The following RBPMS variants were observed in gnomAD, a reference collection of about 807,000 sequenced individuals.
RBPMS encodes the protein RNA-binding protein with multiple splicing.
Under a neutral mutation model 26.8 loss-of-function variants are expected in RBPMS, and 7 were observed. That is an observed-to-expected ratio of 0.26 (90% CI 0.15 to 0.49). The LOEUF (loss-of-function observed/expected upper bound fraction) is 0.49, where lower values mean the gene tolerates loss of function less well. RBPMS is among the 20% of genes least tolerant of loss of function. The pLI, the probability that RBPMS is intolerant of heterozygous loss-of-function variation, is 0.98. For synonymous variants in RBPMS, 96 were observed against 93.3 expected (o/e 1.03, Z -0.17); for missense variants, 186 against 250.0 (o/e 0.74, Z 1.73).
At chr8:30,516,582 C>T (rs1822332486) in intron 5 of RBPMS, among the ~76,000 whole-genome samples, 1 of 152,168 alleles carries the variant, frequency 6.6e-6, no homozygotes, top group Non-Finnish European at 1.5e-5. Context: ...GCCCAATTCT[C>T]TCCCACCACA....
chr8:30,497,996 G>T (rs6982511), intron 4 of RBPMS, among the ~76,000 whole-genome samples: 29,942 of 150,498 alleles, frequency 0.2, 3,245 homozygotes, highest in South Asian at 0.38. Flanking sequence ...GGAGTTGGCC[G>T]TGGAGGAAGG....
chr8:30,425,329 T>C (rs1214008494), intron 1 of RBPMS, among the ~76,000 whole-genome samples: 1 of 152,238 alleles, frequency 6.6e-6, no homozygotes, highest in African/African-American at 2.4e-5. Flanking sequence ...AACGTATATA[T>C]AGCATGAGTC....
At chr8:30,487,871 T>G (rs1259832584) in intron 4 of RBPMS, among the ~76,000 whole-genome samples, 1 of 152,284 alleles carries the variant, frequency 6.6e-6, no homozygotes, top group East Asian at 1.9e-4. Context: ...GTGTAAAGTT[T>G]CAGTAGATAA....
At chr8:30,534,284 C>G (rs761701290) in intron 5 of RBPMS, among the ~76,000 whole-genome samples, 8 of 152,134 alleles carry the variant, frequency 5.3e-5, no homozygotes, top group Non-Finnish European at 8.8e-5. Flanking sequence ...GGACAAGTCA[C>G]TAAAACTCTC....
intron 1 of RBPMS, among the ~76,000 whole-genome samples, chr8:30,449,456 C>T (rs1464276604): frequency 6.7e-6 from 1 of 149,366 alleles, no homozygotes. Flanking sequence ...CTGCAACCTT[C>T]ACCTCCTGGT....
chr8:30,459,134 G>T (rs1014562196), intron 1 of RBPMS, among the ~76,000 whole-genome samples: 1 of 151,562 alleles, frequency 6.6e-6, no homozygotes, highest in Non-Finnish European at 1.5e-5. Flanking sequence ...GCTAGTTTTT[G>T]TATTTTTAGT....
At chr8:30,466,659 A>G (rs1816536925) in intron 1 of RBPMS, among the ~76,000 whole-genome samples, 1 of 150,762 alleles carries the variant, frequency 6.6e-6, no homozygotes, top group African/African-American at 2.4e-5. Flanking sequence ...CAGTGGCGCA[A>G]TCTCGGCTCA....
At chr8:30,531,246 T>C (rs1824196259) in intron 5 of RBPMS, among the ~76,000 whole-genome samples, 1 of 152,186 alleles carries the variant, frequency 6.6e-6, no homozygotes, top group African/African-American at 2.4e-5. Context: ...ACCTTCATTC[T>C]AAAATGTTCT....
chr8:30,512,412 G>A (rs1821813428), intron 5 of RBPMS, among the ~76,000 whole-genome samples: 1 of 151,964 alleles, frequency 6.6e-6, no homozygotes, highest in Admixed American at 6.6e-5. Flanking sequence ...TTCTCACCTC[G>A]TGGACCCCTT....
chr8:30,437,950 C>G (rs1053742582), intron 1 of RBPMS, among the ~76,000 whole-genome samples: 4 of 151,802 alleles, frequency 2.6e-5, no homozygotes, highest in African/African-American at 9.7e-5. Flanking sequence ...CAGAGTGAGA[C>G]TCCGTCTCAA....
intron 5 of RBPMS, among the ~76,000 whole-genome samples, chr8:30,529,992 T>C (rs1824042104): frequency 6.6e-6 from 1 of 152,142 alleles, no homozygotes; most frequent in Non-Finnish European, 1.5e-5. Flanking sequence ...TGACCTCAGG[T>C]AATCCGCCCA....
At chr8:30,555,965 C>T in intron 6 of RBPMS, 5 of 985,452 alleles carry the variant, frequency 5.1e-6, no homozygotes, top group Non-Finnish European at 6.0e-6. Flanking sequence ...TGCCGCTCTG[C>T]CGGCTGTGGT....
intron 5 of RBPMS, among the ~76,000 whole-genome samples, chr8:30,527,307 C>G (rs987877263): frequency 6.6e-6 from 1 of 152,128 alleles, no homozygotes; most frequent in Non-Finnish European, 1.5e-5. Flanking sequence ...CCAGGCCTTC[C>G]TCTCGTCCCT....
At chr8:30,498,438 T>G (rs1446599068) in intron 4 of RBPMS, among the ~76,000 whole-genome samples, 2 of 152,240 alleles carry the variant, frequency 1.3e-5, no homozygotes, top group African/African-American at 2.4e-5. Flanking sequence ...GAATAGTTTT[T>G]ACTTGCTATG....
At chr8:30,430,736 T>C (rs898737156) in intron 1 of RBPMS, among the ~76,000 whole-genome samples, 1 of 152,214 alleles carries the variant, frequency 6.6e-6, no homozygotes, top group Non-Finnish European at 1.5e-5. Context: ...ACACCATATT[T>C]AGTGGTTTCT....
chr8:30,558,882 T>C lies in RBPMS; in HGVS notation c.529-5T>C. The stretch of plus-strand genomic sequence containing the variant: ...GGCTCACGGCCTTCTCCCATGTCTT[T>C]TCAGATGCGCTGGCTCCCTCCCTCC... On this transcript the variant is annotated splice_region_variant and splice_polypyrimidine_tract_variant and intron_variant, in intron 6 of 8. Transcript: ENST00000397323. 1.2e-6 allele frequency: 2 copies of C among 1,614,030 alleles called. No homozygotes were observed. The highest frequency in any genetic ancestry group is 1.7e-6 in the Non-Finnish European group (2 of 1,179,932).
At chr8:30,470,407 G>C (rs1193001115) in intron 1 of RBPMS, among the ~76,000 whole-genome samples, 1 of 151,908 alleles carries the variant, frequency 6.6e-6, no homozygotes, top group Non-Finnish European at 1.5e-5. Flanking sequence ...TGTGATTCTA[G>C]ATCCCAGTCA....
chr8:30,496,207 C>T (rs1819926554), intron 4 of RBPMS, among the ~76,000 whole-genome samples: 1 of 148,218 alleles, frequency 6.7e-6, no homozygotes, highest in South Asian at 2.1e-4. Context: ...CTTGCTCTGT[C>T]TCCCAGGCTG....
chr8:30,416,105 A>G (rs1402062355), intron 1 of RBPMS, among the ~76,000 whole-genome samples: 1 of 152,068 alleles, frequency 6.6e-6, no homozygotes, highest in Non-Finnish European at 1.5e-5. Flanking sequence ...AATTGTGTAT[A>G]CCCTAGCGAT....
Sources: gnomAD v4.1 joint callset for allele counts (sites outside exome capture counted in the v4.1 genomes callset) on GRCh38, gnomAD v4.1.1 for gene constraint, MANE v1.5 for transcripts, NCBI Gene and HGNC (gene_info 2026-07-23, HGNC 2026-07-21) for gene names.